The following SUGCT variants were observed in gnomAD, a reference collection of about 807,000 sequenced individuals.
The protein encoded by SUGCT is succinyl-CoA:glutarate-CoA transferase.
SUGCT carries 41 observed loss-of-function variants against 55.0 expected under a neutral mutation model. That is an observed-to-expected ratio of 0.74 (90% CI 0.58 to 0.97). SUGCT has a LOEUF of 0.97. Ranked by LOEUF, SUGCT falls within the 50% of genes least tolerant of loss-of-function variation. The pLI is 0.00. For missense variants in SUGCT, 568 were observed against 547.8 expected, an observed-to-expected ratio of 1.04 and a Z score of -0.37; for synonymous variants, 187 against 200.4, an observed-to-expected ratio of 0.93 and a Z score of 0.56.
intron 12 of SUGCT, among the ~76,000 whole-genome samples, chr7:40,595,645 A>C (rs1797976367): frequency 6.6e-6 from 1 of 151,436 alleles, no homozygotes; most frequent in East Asian, 1.9e-4. Context: ...CATGCCACAA[A>C]AAAAAAAAAA....
At chr7:40,155,910 T>G (rs1584204988) in intron 1 of SUGCT, among the ~76,000 whole-genome samples, 1 of 149,396 alleles carries the variant, frequency 6.7e-6, no homozygotes, top group Non-Finnish European at 1.5e-5. Flanking sequence ...CAGGCTAGAG[T>G]GCAGCGGCAC....
intron 12 of SUGCT, among the ~76,000 whole-genome samples, chr7:40,630,014 C>T (rs1799714576): frequency 6.6e-6 from 1 of 152,142 alleles, no homozygotes; most frequent in Non-Finnish European, 1.5e-5. Context: ...GATTACCAGC[C>T]TGTATTGCCA....
chr7:40,319,968 C>G (rs1340608655), intron 9 of SUGCT, among the ~76,000 whole-genome samples: 1 of 151,704 alleles, frequency 6.6e-6, no homozygotes, highest in African/African-American at 2.4e-5. Context: ...ACTACAGGTA[C>G]CAGCCACAGT....
chr7:40,529,271 A>G (rs1418903428), intron 12 of SUGCT, among the ~76,000 whole-genome samples: 1 of 152,200 alleles, frequency 6.6e-6, no homozygotes, highest in East Asian at 1.9e-4. Context: ...GAAATGTCCA[A>G]TATGACATTG....
chr7:40,243,484 C>A (rs1376915313), intron 7 of SUGCT, among the ~76,000 whole-genome samples: 1 of 151,884 alleles, frequency 6.6e-6, no homozygotes, highest in Admixed American at 6.6e-5. Flanking sequence ...GATAATACAT[C>A]AGATTGGAAG....
chr7:40,175,002 A>T (rs547514557), intron 1 of SUGCT, among the ~76,000 whole-genome samples: 18 of 152,196 alleles, frequency 1.2e-4, no homozygotes, highest in Middle Eastern at 3.4e-3. Context: ...TTTAAGTGGA[A>T]TTGCTATGAA....
At chr7:40,657,234 A>G (rs1801060337) in intron 12 of SUGCT, among the ~76,000 whole-genome samples, 1 of 152,096 alleles carries the variant, frequency 6.6e-6, no homozygotes, top group Middle Eastern at 3.2e-3. Context: ...GGAGATATAT[A>G]TGTATCTATT....
intron 13 of SUGCT, among the ~76,000 whole-genome samples, chr7:40,821,622 A>G (rs970819791): frequency 1.3e-5 from 2 of 152,112 alleles, no homozygotes; most frequent in Non-Finnish European, 2.9e-5. Flanking sequence ...CCCCTGTATC[A>G]TTTTTTATTG....
At chr7:40,339,923 G>T (rs1470240273) in intron 9 of SUGCT, among the ~76,000 whole-genome samples, 3 of 152,138 alleles carry the variant, frequency 2.0e-5, no homozygotes, top group Non-Finnish European at 2.9e-5. Flanking sequence ...AAACTTTCTT[G>T]TTGCCTGTAA....
At chr7:40,271,412 G>A (rs1243988269) in intron 7 of SUGCT, among the ~76,000 whole-genome samples, 2 of 152,152 alleles carry the variant, frequency 1.3e-5, no homozygotes, top group Non-Finnish European at 2.9e-5. Flanking sequence ...ATAGGAATGA[G>A]CCTTCGTGCC....
chr7:40,194,541 G>A (rs1229177578), intron 5 of SUGCT, among the ~76,000 whole-genome samples: 3 of 152,186 alleles, frequency 2.0e-5, no homozygotes, highest in Middle Eastern at 3.2e-3. Flanking sequence ...GCTGAGATTA[G>A]AGGAGTGAAC....
At chr7:40,164,692 C>G (rs2150658231) in intron 1 of SUGCT, among the ~76,000 whole-genome samples, 1 of 152,214 alleles carries the variant, frequency 6.6e-6, no homozygotes, top group East Asian at 1.9e-4. Flanking sequence ...CGATGTGATT[C>G]TTTTGTGAGT....
intron 12 of SUGCT, among the ~76,000 whole-genome samples, chr7:40,664,162 A>G (rs1801482793): frequency 6.6e-6 from 1 of 152,190 alleles, no homozygotes. Flanking sequence ...CTAAAGTTGT[A>G]AGACAATATA....
At chr7:40,338,113 G>T (rs1796821217) in intron 9 of SUGCT, among the ~76,000 whole-genome samples, 1 of 152,184 alleles carries the variant, frequency 6.6e-6, no homozygotes. Flanking sequence ...TCTGCCAATA[G>T]ATCCGCTGTT....
intron 12 of SUGCT, among the ~76,000 whole-genome samples, chr7:40,701,812 A>G (rs1785182525): frequency 6.6e-6 from 1 of 152,164 alleles, no homozygotes; most frequent in African/African-American, 2.4e-5. Flanking sequence ...TCCTACTTTC[A>G]ACTAAGGAAA....
chr7:40,888,199 C>G, the SUGCT span, among the ~76,000 whole-genome samples: 3 of 152,118 alleles, frequency 2.0e-5, no homozygotes, highest in African/African-American at 7.2e-5. Context: ...GCATCTCACT[C>G]CTAAATCTAT....
chr7:40,449,310 T>C lies in SUGCT; in HGVS notation c.840T>C (p.Tyr280=), dbSNP rs371732576. The C allele has an allele frequency of 2.5e-6, 4 of 1,612,114 alleles. No homozygotes were observed. Among genetic ancestry groups the C allele is most frequent in the Admixed American group, 1.7e-5 (1 of 59,932 alleles). ...AGGCTTTTAAAACCAAGGATGGCTA[T>C]ATTGTAGTTGGAGCAGGAAATAACC... ...PYQAFKTKDG[Y]IVVGAGNNQQ... Residue 280 remains tyrosine (Y), a synonymous_variant, in exon 10 of 14, where the codon TAT becomes TAC. Transcript: ENST00000335693.
chr7:40,931,133 G>T, the SUGCT span, among the ~76,000 whole-genome samples: 1 of 152,122 alleles, frequency 6.6e-6, no homozygotes, highest in African/African-American at 2.4e-5. Flanking sequence ...TAGCATGAAG[G>T]GCAGTTGAAT....
chr7:40,436,591 C>T lies in SUGCT; in HGVS notation c.817-12696C>T, dbSNP rs923157915. On this transcript the variant is annotated intron_variant, in intron 9 of 13. Coordinates refer to ENST00000335693, the MANE Select transcript of SUGCT (RefSeq NM_001193313.2). ...GACTAAAGCTCTGTTCTATAAATGC[C>T]TTTAGTCTGAGGTAAATGTAGGCTT... Among the ~76,000 whole-genome samples, 4 of 151,972 alleles carry T rather than the reference C, an allele frequency of 2.6e-5. No homozygotes were observed. In the South Asian group the frequency reaches 8.3e-4, roughly 32 times the overall value.
Sources: allele counts gnomAD v4.1 joint callset (sites outside exome capture counted in the v4.1 genomes callset), GRCh38; gene constraint gnomAD v4.1.1; transcripts MANE v1.5; gene names NCBI Gene and HGNC (gene_info 2026-07-23, HGNC 2026-07-21).